CHRM3: variants seen among roughly 807,000 people sequenced by gnomAD.
CHRM3 encodes the protein cholinergic receptor muscarinic 3.
CHRM3 carries 11 observed loss-of-function variants against 41.8 expected under a neutral mutation model. That is an observed-to-expected ratio of 0.26 (90% CI 0.17 to 0.44). The LOEUF (loss-of-function observed/expected upper bound fraction) is 0.44, where lower values mean the gene tolerates loss of function less well. Ranked by LOEUF, CHRM3 falls within the 20% of genes least tolerant of loss-of-function variation. CHRM3 has a pLI of 1.00. For synonymous variants in CHRM3, 297 were observed against 301.4 expected, an observed-to-expected ratio of 0.99 and a Z score of 0.15; for missense variants, 571 against 745.4, an observed-to-expected ratio of 0.77 and a Z score of 2.72.
intron 6 of CHRM3, among the ~76,000 whole-genome samples, chr1:239,841,355 A>G (rs1312870358): frequency 6.6e-6 from 1 of 152,112 alleles, no homozygotes. Flanking sequence ...TTGGTGGGGC[A>G]TGTTGAATTT....
intron 4 of CHRM3, among the ~76,000 whole-genome samples, chr1:239,638,261 C>T (rs1411502647): frequency 6.6e-6 from 1 of 151,422 alleles, no homozygotes; most frequent in Non-Finnish European, 1.5e-5. Flanking sequence ...GATTTATAGT[C>T]CTTTGGGTAT....
At chr1:239,758,438 A>G (rs1666418038) in intron 5 of CHRM3, among the ~76,000 whole-genome samples, 1 of 152,158 alleles carries the variant, frequency 6.6e-6, no homozygotes, top group Admixed American at 6.5e-5. Context: ...GTGCTATGTA[A>G]TCATTGTAAT....
chr1:239,805,582 C>T (rs2148946951), intron 5 of CHRM3, among the ~76,000 whole-genome samples: 1 of 152,188 alleles, frequency 6.6e-6, no homozygotes, highest in Non-Finnish European at 1.5e-5. Flanking sequence ...TCTGCTCCAG[C>T]TGACCTTTCC....
chr1:239,690,212 T>G (rs765414558), intron 5 of CHRM3, among the ~76,000 whole-genome samples: 1 of 152,146 alleles, frequency 6.6e-6, no homozygotes, highest in Non-Finnish European at 1.5e-5. Context: ...ATATAATACT[T>G]GAAATTTCTT....
At chr1:239,809,267 G>T (rs12402098) in intron 5 of CHRM3, among the ~76,000 whole-genome samples, 2 of 151,620 alleles carry the variant, frequency 1.3e-5, no homozygotes, top group African/African-American at 4.8e-5. Flanking sequence ...TGATCCGCCC[G>T]CCTCGGCCTC....
chr1:239,645,283 C>T (rs1373337556), intron 4 of CHRM3, among the ~76,000 whole-genome samples: 3 of 152,216 alleles, frequency 2.0e-5, no homozygotes, highest in South Asian at 4.1e-4. Flanking sequence ...ACTGGCTTCT[C>T]TCTTGAACAC....
At chr1:239,450,800 A>G (rs549685316) in intron 1 of CHRM3, among the ~76,000 whole-genome samples, 3 of 152,386 alleles carry the variant, frequency 2.0e-5, no homozygotes, top group South Asian at 2.1e-4. Flanking sequence ...CTCATCACAC[A>G]TACATAACAA....
intron 4 of CHRM3, among the ~76,000 whole-genome samples, chr1:239,674,856 T>C (rs758476875): frequency 3.9e-5 from 6 of 152,104 alleles, no homozygotes; most frequent in Non-Finnish European, 7.4e-5. Context: ...AACAATGGTG[T>C]CTCCTTTACA....
At chr1:239,507,995 A>G (rs1045251566) in intron 2 of CHRM3, among the ~76,000 whole-genome samples, 2 of 152,220 alleles carry the variant, frequency 1.3e-5, no homozygotes, top group Non-Finnish European at 2.9e-5. Flanking sequence ...TCAAGCACAG[A>G]GCTATGGAGC....
intron 5 of CHRM3, chr1:239,705,340 T>TA (rs773891514): frequency 6.6e-6 from 1 of 152,166 alleles, no homozygotes; most frequent in Non-Finnish European, 1.5e-5. Context: ...AGTTGAAAAA[T>TA]ACCATTCTGC....
At chr1:239,534,091 G>A (rs1422246218) in intron 2 of CHRM3, among the ~76,000 whole-genome samples, 1 of 152,214 alleles carries the variant, frequency 6.6e-6, no homozygotes, top group Non-Finnish European at 1.5e-5. Context: ...ACTTTGGGAG[G>A]CCAAGGCAGG....
At chr1:239,897,522 C>A (rs1679111261) in intron 6 of CHRM3, among the ~76,000 whole-genome samples, 1 of 152,170 alleles carries the variant, frequency 6.6e-6, no homozygotes. Flanking sequence ...TCTTTATCCT[C>A]CACTATAAAG....
At position 239,911,685 on chromosome 1, in the gene CHRM3, G is replaced by A. The variant is rs1248941165; in HGVS notation, c.*2461G>A. ...TCCTTTTGTGATGCTAATAATAGCA[G>A]AAAAGGAACAAATCCAAGACTCTAG... On this transcript the variant is annotated 3_prime_UTR_variant, in exon 7 of 7. Transcript: ENST00000676153. The A allele has an allele frequency of 2.4e-5, 4 of 166,918 alleles. No homozygotes were observed. The highest frequency in any genetic ancestry group is 4.4e-5 in the Non-Finnish European group (3 of 68,084). The allele number at this position is 166,918 out of a possible 1,614,324, so 10.3% of individuals were successfully genotyped here. A position where few individuals can be genotyped will look rare whatever the true frequency, so the allele number is the denominator to read the frequency against.
intron 6 of CHRM3, among the ~76,000 whole-genome samples, chr1:239,887,502 C>G (rs971777014): frequency 6.6e-6 from 1 of 152,160 alleles, no homozygotes; most frequent in Non-Finnish European, 1.5e-5. Context: ...GGATTACAGG[C>G]GTGAGCCATG....
intron 1 of CHRM3, among the ~76,000 whole-genome samples, chr1:239,473,832 C>T (rs1372863347): frequency 2.7e-5 from 4 of 150,574 alleles, no homozygotes; most frequent in Admixed American, 2.0e-4. Flanking sequence ...GTAAGTAATG[C>T]GTATTATTTC....
chr1:239,839,538 G>A (rs755970320), intron 6 of CHRM3, among the ~76,000 whole-genome samples: 1 of 152,196 alleles, frequency 6.6e-6, no homozygotes, highest in Non-Finnish European at 1.5e-5. Context: ...GGGAATCCAT[G>A]GAACATGTTT....
chr1:239,817,933 G>A lies in CHRM3; in HGVS notation c.-146-9319G>A, dbSNP rs185188835. ...CCTGTTTCTACATCTATGAAATGGC[G>A]ATAATAAAGCCTGCCTTACCCACAG... On this transcript the variant is annotated intron_variant, in intron 5 of 6. Coordinates refer to ENST00000676153, the MANE Select transcript of CHRM3 (RefSeq NM_001375978.1). Among the ~76,000 whole-genome samples, 261 of 152,244 alleles carry A rather than the reference G, an allele frequency of 1.7e-3. 1 individual carries two copies. Among genetic ancestry groups the A allele is most frequent in the African/African-American group, 5.8e-3 (241 of 41,546 alleles).
intron 1 of CHRM3, among the ~76,000 whole-genome samples, chr1:239,464,143 G>A (rs1665554671): frequency 6.6e-6 from 1 of 151,874 alleles, no homozygotes; most frequent in Non-Finnish European, 1.5e-5. Flanking sequence ...AGCCAGGTGT[G>A]GTGATGCACA....
intron 4 of CHRM3, among the ~76,000 whole-genome samples, chr1:239,658,095 A>G (rs897567922): frequency 1.3e-4 from 20 of 152,340 alleles, no homozygotes; most frequent in African/African-American, 4.8e-4. Flanking sequence ...TCAAAGAAAG[A>G]AAAGTTCCTG....
Sources: gnomAD v4.1 joint callset for allele counts (sites outside exome capture counted in the v4.1 genomes callset) on GRCh38, gnomAD v4.1.1 for gene constraint, MANE v1.5 for transcripts, NCBI Gene and HGNC (gene_info 2026-07-23, HGNC 2026-07-21) for gene names.